ZNF333: variants seen among roughly 807,000 people sequenced by gnomAD.
ZNF333 encodes zinc finger protein 333.
In ZNF333, 61 loss-of-function variants were observed where a neutral mutation model predicts 76.1. The observed-to-expected ratio is 0.80, with a 90% CI of 0.65 to 0.99. The LOEUF (loss-of-function observed/expected upper bound fraction) is 0.99, where lower values mean the gene tolerates loss of function less well. Ranked by LOEUF, ZNF333 falls within the 50% of genes least tolerant of loss-of-function variation. ZNF333 has a pLI of 0.00. For synonymous variants in ZNF333, 284 were observed against 305.0 expected (o/e 0.93, Z 0.72); for missense variants, 717 against 822.4 (o/e 0.87, Z 1.57).
In ZNF333 at chr19:14,717,654, C is replaced by T. The variant is rs774247308; in HGVS notation, c.824-3C>T. On this transcript the variant is annotated splice_polypyrimidine_tract_variant and splice_region_variant and intron_variant, in intron 10 of 11. Transcript: ENST00000292530. Reference sequence around the variant, plus strand: ...TAACTTTTTCTTCCCTAATTCATTTCAGAACCTCAGTGTCAACCCCAAGAG... The same window carrying T: ...TAACTTTTTCTTCCCTAATTCATTTTAGAACCTCAGTGTCAACCCCAAGAG... 6.2e-7 allele frequency: 1 copy of T among 1,613,518 alleles called. No individual in the cohort carries two copies. Among genetic ancestry groups the T allele is most frequent in the Non-Finnish European group, 8.5e-7 (1 of 1,179,520 alleles).
chr19:14,717,650 A>G lies in ZNF333; in HGVS notation c.824-7A>G. 1 of 1,613,508 alleles carries G rather than the reference A, an allele frequency of 6.2e-7. No homozygotes were observed. Among genetic ancestry groups the G allele is most frequent in the Non-Finnish European group, 8.5e-7 (1 of 1,179,542 alleles). ...TGCTTAACTTTTTCTTCCCTAATTCATTTCAGAACCTCAGTGTCAACCCCA... is the reference window on the plus strand; with the variant it reads ...TGCTTAACTTTTTCTTCCCTAATTCGTTTCAGAACCTCAGTGTCAACCCCA... On this transcript the variant is annotated splice_polypyrimidine_tract_variant and splice_region_variant and intron_variant, in intron 10 of 11. Coordinates refer to ENST00000292530, the MANE Select transcript of ZNF333 (RefSeq NM_032433.4).
At position 14,693,470 on chromosome 19, in the gene ZNF333, C is replaced by T. The variant is rs781549973; in HGVS notation, c.-22C>T. ...TTGCAGGGAGAACACCGACTGAGAC[C>T]TCAAACCCTGGCTCCAGTGTCATGG... On this transcript the variant is annotated 5_prime_UTR_variant, in exon 2 of 12. Coordinates refer to ENST00000292530, the MANE Select transcript of ZNF333 (RefSeq NM_032433.4). 9 of 1,602,006 alleles carry T rather than the reference C, an allele frequency of 5.6e-6. No individual in the cohort carries two copies. Among genetic ancestry groups the T allele is most frequent in the Non-Finnish European group, 6.8e-6 (8 of 1,171,226 alleles).
Position 14,701,485 on chromosome 19 carries a change from G to A in ZNF333, c.306+2204G>A, listed in dbSNP as rs966643744. 7.0e-6 allele frequency: 5 copies of A among 718,630 alleles called. No individual in the cohort carries two copies. In the African/African-American group the frequency reaches 9.6e-5, roughly 14 times the overall value. 44.5% of individuals were successfully genotyped at this position (718,630 alleles called of 1,614,324 possible). ...TGCAGGGCATTCTGTGTGTCATGTA[G>A]CCCCCAGTGCTTGTTGAATGAAGGA... On this transcript the variant is annotated intron_variant, in intron 5 of 11. Coordinates refer to ENST00000292530, the MANE Select transcript of ZNF333 (RefSeq NM_032433.4).
chr19:14,706,710 C>G lies in ZNF333; in HGVS notation c.448C>G (p.Gln150Glu). Residue 150 changes from glutamine to glutamate, a missense_variant, in exon 7 of 12, where the codon CAG becomes GAG. Coordinates refer to ENST00000292530, the MANE Select transcript of ZNF333 (RefSeq NM_032433.4). ...CTGLKAAMQI[Q>E]RVVIPVPTLG... ...GGGACTGAAGGCCGCTATGCAGATT[C>G]AGAGGGTGGTGATACCAGTGCCTAC... is the stretch of plus-strand genomic sequence containing the variant. The G allele has an allele frequency of 6.2e-7, 1 of 1,614,116 alleles. No individual in the cohort carries two copies. Among genetic ancestry groups the G allele is most frequent in the Non-Finnish European group, 8.5e-7 (1 of 1,180,018 alleles).
At chr19:14,695,685 TC>T (rs764465556) in intron 4 of ZNF333, 24 bp downstream of exon 4, 2 of 1,608,804 alleles carry the variant, frequency 1.2e-6, no homozygotes, top group African/African-American at 1.3e-5. Context: ...AGGCTGTGGA[TC>T]CCCCGACCCC....
At chr19:14,690,304 C>T (rs1972662148) in intron 1 of ZNF333, among the ~76,000 whole-genome samples, 154 bp downstream of exon 1, 1 of 152,164 alleles carries the variant, frequency 6.6e-6, no homozygotes, top group South Asian at 2.1e-4. Flanking sequence ...GTCAGGGCCT[C>T]GCATCTGGGC....
At chr19:14,698,038 C>T (rs1210666538) in intron 4 of ZNF333, among the ~76,000 whole-genome samples, 1 of 152,102 alleles carries the variant, frequency 6.6e-6, no homozygotes, top group Non-Finnish European at 1.5e-5. Flanking sequence ...CCACACATAG[C>T]CCTACATACA....
rs1568554495 is a variant in ZNF333 at position 14,717,753 on chromosome 19, A to T, written c.900+20A>T. On this transcript the variant is annotated intron_variant, in intron 11 of 11. Transcript: ENST00000292530. The stretch of plus-strand genomic sequence containing the variant: ...AAAGGGGTAAGGCTCACCAGGGATT[A>T]TTCATGGTTCTCTATAGTAGGATGA... The T allele has an allele frequency of 1.2e-6, 2 of 1,609,228 alleles. No homozygotes were observed. The highest frequency in any genetic ancestry group is 1.7e-6 in the Non-Finnish European group (2 of 1,175,606).
chr19:14,731,216 C>T (rs1276736940), exon 12 of ZNF333: 1 of 1,531,874 alleles, frequency 6.5e-7, no homozygotes, highest in Non-Finnish European at 8.7e-7. Context: ...CCAGTACTCT[C>T]TTGCATGTTC....
intron 6 of ZNF333, 46 bp from the exon 7 acceptor site, chr19:14,706,640 C>G: frequency 6.6e-7 from 1 of 1,519,262 alleles, no homozygotes; most frequent in Non-Finnish European, 9.1e-7. Context: ...TGAGTGGCCC[C>G]CTCAGCTTCT....
intron 7 of ZNF333, chr19:14,715,038 CGTGTGTGTGT>C: frequency 5.9e-6 from 1 of 170,246 alleles, no homozygotes; most frequent in Non-Finnish European, 1.3e-5. Flanking sequence ...TGAAGGCGTG[CGTGTGTGTGT>C]GTGTGTGTGT....
Position 14,699,241 on chromosome 19 carries a change from AG to A in ZNF333, c.268del (p.Asp90IlefsTer19). 6.2e-7 allele frequency: 1 copy of A among 1,613,900 alleles called. No individual in the cohort carries two copies. Among genetic ancestry groups the A allele is most frequent in the Non-Finnish European group, 8.5e-7 (1 of 1,179,914 alleles). The stretch of plus-strand genomic sequence containing the variant: ...AAACCCGAAGAGTTGCCTTCTATGC[AG>A]GATCTTTTGGAAGAAGCATCCTCCA... ...QLKPEELPSM[Q>X]DLLEEASSRD... On this transcript the variant is annotated frameshift_variant, in exon 5 of 12. Transcript: ENST00000292530. LOFTEE classifies it high-confidence loss of function.
chr19:14,700,797 T>C (rs1209017483), intron 5 of ZNF333, among the ~76,000 whole-genome samples: 1 of 152,202 alleles, frequency 6.6e-6, no homozygotes, highest in African/African-American at 2.4e-5. Context: ...CCGGGATCCC[T>C]CAGTCAGTGC....
rs372220687 is a variant in ZNF333, at chr19:14,718,222, C to T, written c.901-6C>T. The T allele has an allele frequency of 1.8e-4, 280 of 1,597,242 alleles. 1 individual carries two copies. In the African/African-American group the frequency reaches 3.3e-3, roughly 19 times the overall value. On this transcript the variant is annotated splice_region_variant and splice_polypyrimidine_tract_variant and intron_variant, in intron 11 of 11. Transcript: ENST00000292530. ...CTTTGGTCTTCACATTTTCCTTCAT[C>T]GACAGGAGCAACCTCAGCCTGGAGA...
At position 14,718,812 on chromosome 19, in the gene ZNF333, A is replaced by G. The variant is rs771331220; in HGVS notation, c.1485A>G (p.Thr495=). 6.2e-7 allele frequency: 1 copy of G among 1,614,166 alleles called. No individual in the cohort carries two copies. The highest frequency in any genetic ancestry group is 1.1e-5 in the South Asian group (1 of 91,082). Residue 495 remains threonine (T), a synonymous_variant, in exon 12 of 12, where the codon ACA becomes ACG. Transcript: ENST00000292530. ...TCAGGGAACACTCTTCACTGAAGAC[A>G]CATCTGCGAACCCATACCAGAGAGA... ...KAFREHSSLK[T]HLRTHTREKP... is the part of the protein sequence containing the mutation.
chr19:14,716,843 C>T, intron 9 of ZNF333, 151 bp from the exon 10 acceptor site: 1 of 626,792 alleles, frequency 1.6e-6, no homozygotes, highest in East Asian at 3.1e-5. Context: ...TTTAGTTGCT[C>T]AGTGGAAGAG....
At chr19:14,709,729 G>T (rs1294426163) in intron 7 of ZNF333, among the ~76,000 whole-genome samples, 1 of 152,228 alleles carries the variant, frequency 6.6e-6, no homozygotes, top group Non-Finnish European at 1.5e-5. Flanking sequence ...CAGCCAGAAG[G>T]CAGCCATCTG....
intron 5 of ZNF333, chr19:14,701,646 C>G (rs556938983): frequency 2.0e-6 from 2 of 985,436 alleles, no homozygotes; most frequent in East Asian, 1.1e-4. Flanking sequence ...CCGGTGCCCT[C>G]TTTGTTTCTG....
intron 2 of ZNF333, among the ~76,000 whole-genome samples, chr19:14,694,118 C>G (rs1185571876): frequency 1.3e-5 from 2 of 152,180 alleles, no homozygotes; most frequent in East Asian, 3.8e-4. Context: ...GGAACATTCC[C>G]ATCATCAGAG....
Sources: allele counts gnomAD v4.1 joint callset (sites outside exome capture counted in the v4.1 genomes callset), GRCh38; gene constraint gnomAD v4.1.1; transcripts MANE v1.5; gene names NCBI Gene and HGNC (gene_info 2026-07-23, HGNC 2026-07-21).